The following SLC12A2 variants were observed in gnomAD, a reference collection of about 807,000 sequenced individuals.
SLC12A2 encodes the protein solute carrier family 12 member 2.
In SLC12A2, 67 loss-of-function variants were observed where a neutral mutation model predicts 136.3. The observed-to-expected ratio is 0.49, with a 90% CI of 0.40 to 0.60. SLC12A2 has a LOEUF of 0.60. SLC12A2 is among the 20% of genes least tolerant of loss of function. The pLI is 0.00. For synonymous variants in SLC12A2, 619 were observed against 562.9 expected, an observed-to-expected ratio of 1.10 and a Z score of -1.41; for missense variants, 1,322 against 1,534.7, an observed-to-expected ratio of 0.86 and a Z score of 2.32.
intron 17 of SLC12A2, among the ~76,000 whole-genome samples, chr5:128,165,921 C>T (rs1304001469): frequency 2.0e-3 from 18 of 9,086 alleles, no homozygotes; most frequent in Admixed American, 0.014. Context: ...TTTTACCTCC[C>T]CCCCCCCCCC....
At chr5:128,126,960 ATATAT>A (rs909098659) in intron 4 of SLC12A2, among the ~76,000 whole-genome samples, 1 of 26,394 alleles carries the variant, frequency 3.8e-5, no homozygotes, top group African/African-American at 3.1e-4. Context: ...ATATATATAT[ATATAT>A]ATTTTTTTTT....
chr5:128,099,811 G>T (rs905549513), intron 1 of SLC12A2, among the ~76,000 whole-genome samples: 1 of 152,124 alleles, frequency 6.6e-6, no homozygotes, highest in African/African-American at 2.4e-5. Flanking sequence ...TGTCCCACTA[G>T]AAGGTCTTCA....
intron 4 of SLC12A2, among the ~76,000 whole-genome samples, chr5:128,122,723 G>A (rs1458389151): frequency 6.6e-6 from 1 of 152,074 alleles, no homozygotes; most frequent in African/African-American, 2.4e-5. Context: ...TGACAGAAAA[G>A]TGCTTTCTGC....
chr5:128,186,878 T>A lies in SLC12A2; in HGVS notation c.*247T>A, dbSNP rs1561712200. 2 of 353,814 alleles carry A rather than the reference T, an allele frequency of 5.7e-6. No individual in the cohort carries two copies. The highest frequency in any genetic ancestry group is 5.1e-6 in the Non-Finnish European group (1 of 195,304). 21.9% of individuals were successfully genotyped at this position (353,814 alleles called of 1,614,324 possible). A position where few individuals can be genotyped will look rare whatever the true frequency, so the allele number is the denominator to read the frequency against. On this transcript the variant is annotated 3_prime_UTR_variant, in exon 27 of 27. Transcript: ENST00000262461. ...GTTGAACTGAAGTTTGTGAGAGTAG[T>A]TTTCCTTTGCTACTTGAATAGCAAT...
At chr5:128,093,989 C>T (rs1166423466) in intron 1 of SLC12A2, among the ~76,000 whole-genome samples, 2 of 152,024 alleles carry the variant, frequency 1.3e-5, no homozygotes, top group Admixed American at 6.6e-5. Context: ...TGGACTCTTC[C>T]TCTCCCTTCC....
chr5:128,138,794 T>C lies in SLC12A2; in HGVS notation c.1537-30T>C, dbSNP rs757543550. Reference sequence around the variant, plus strand: ...GAATTTGTATATTTATTTTTACAGATAGACTTTAAAAAATCTTCTTGTCTT... The same window carrying C: ...GAATTTGTATATTTATTTTTACAGACAGACTTTAAAAAATCTTCTTGTCTT... On this transcript the variant is annotated intron_variant, in intron 8 of 26. Coordinates refer to ENST00000262461, the MANE Select transcript of SLC12A2 (RefSeq NM_001046.3). The C allele has an allele frequency of 5.4e-5, 87 of 1,603,326 alleles. 1 individual carries two copies. The highest frequency in any genetic ancestry group is 3.0e-4 in the Admixed American group (18 of 59,344).
At chr5:128,101,280 C>G (rs1297481838) in intron 1 of SLC12A2, among the ~76,000 whole-genome samples, 1 of 152,032 alleles carries the variant, frequency 6.6e-6, no homozygotes, top group African/African-American at 2.4e-5. Flanking sequence ...ATAAAACCGG[C>G]CACTTTGGGG....
intron 4 of SLC12A2, among the ~76,000 whole-genome samples, chr5:128,123,992 G>A (rs1160637005): frequency 6.6e-6 from 1 of 152,118 alleles, no homozygotes; most frequent in Non-Finnish European, 1.5e-5. Context: ...GTATTCATAT[G>A]GATATCCAGT....
At chr5:128,130,343 C>T (rs1561676033) in intron 4 of SLC12A2, among the ~76,000 whole-genome samples, 1 of 151,784 alleles carries the variant, frequency 6.6e-6, no homozygotes, top group African/African-American at 2.4e-5. Context: ...GGTGAAACCC[C>T]GTCTCTACTA....
rs189780525 is a variant in SLC12A2 at position 128,104,999 on chromosome 5, C to G, written c.757-7815C>G. On this transcript the variant is annotated intron_variant, in intron 1 of 26. Transcript: ENST00000262461. Reference sequence around the variant, plus strand: ...TAATCTAAAATAATTTACCTTGACTCATTATAACATGTGGAATTCTGTCAT... The same window carrying G: ...TAATCTAAAATAATTTACCTTGACTGATTATAACATGTGGAATTCTGTCAT... 9.3e-5 allele frequency among the ~76,000 whole-genome samples: 14 copies of G among 151,210 alleles called. No individual in the cohort carries two copies. The East Asian group carries it at 2.7e-3, about 29-fold the overall frequency.
rs1254911539 is a variant in SLC12A2, at chr5:128,114,601, T to C, written c.968T>C (p.Val323Ala). 1 of 1,609,332 alleles carries C rather than the reference T, an allele frequency of 6.2e-7. No homozygotes were observed. The highest frequency in any genetic ancestry group is 8.5e-7 in the Non-Finnish European group (1 of 1,175,804). Residue 323 changes from valine (V) to alanine (A), a missense_variant, in exon 4 of 27, where the codon GTA becomes GCA. Coordinates refer to ENST00000262461, the MANE Select transcript of SLC12A2 (RefSeq NM_001046.3). ...GQAGIGLSVL[V>A]IMMATVVTTI... The stretch of plus-strand genomic sequence containing the variant: ...CTTCGTAAAGGTCTATCAGTCCTTG[T>C]AATAATGATGGCCACTGTTGTGACA...
chr5:128,097,784 G>T (rs1371864892), intron 1 of SLC12A2, among the ~76,000 whole-genome samples: 5 of 152,024 alleles, frequency 3.3e-5, no homozygotes, highest in Non-Finnish European at 7.4e-5. Context: ...AGAAAAATAT[G>T]TATGGTTTTT....
At chr5:128,181,060 T>C in intron 23 of SLC12A2, 66 bp downstream of exon 23, 1 of 996,086 alleles carries the variant, frequency 1.0e-6, no homozygotes, top group East Asian at 2.4e-5. Context: ...ATAAATTTGA[T>C]AGGATAAAAA....
chr5:128,090,936 T>G (rs1159904529), intron 1 of SLC12A2, among the ~76,000 whole-genome samples: 2 of 152,160 alleles, frequency 1.3e-5, no homozygotes, highest in African/African-American at 4.8e-5. Context: ...TCTGAGTGAT[T>G]TAGGGGAAGG....
At chr5:128,163,446 T>C (rs2126736299) in intron 17 of SLC12A2, among the ~76,000 whole-genome samples, 1 of 152,226 alleles carries the variant, frequency 6.6e-6, no homozygotes, top group East Asian at 1.9e-4. Context: ...GGAGAATCAC[T>C]TGAACCCCTG....
At chr5:128,152,110 T>C (rs1041865411) in intron 14 of SLC12A2, among the ~76,000 whole-genome samples, 3 of 152,172 alleles carry the variant, frequency 2.0e-5, no homozygotes, top group African/African-American at 7.2e-5. Context: ...GTAGTTTCAA[T>C]ATAGTAGTTT....
intron 18 of SLC12A2, chr5:128,170,257 T>A (rs2126744512): frequency 6.6e-6 from 1 of 152,336 alleles, no homozygotes; most frequent in African/African-American, 2.4e-5. Flanking sequence ...TATTAAACAA[T>A]TTTTAAAATG....
chr5:128,096,850 T>A (rs946141703), intron 1 of SLC12A2, among the ~76,000 whole-genome samples: 50 of 152,076 alleles, frequency 3.3e-4, no homozygotes, highest in African/African-American at 1.2e-3. Flanking sequence ...TAAACGGCTT[T>A]GTGGTATCTT....
At chr5:128,113,641 G>C (rs551330398) in intron 2 of SLC12A2, among the ~76,000 whole-genome samples, 1 of 152,266 alleles carries the variant, frequency 6.6e-6, no homozygotes, top group Admixed American at 6.5e-5. Context: ...GCTTCAGGTA[G>C]TATTGTTTGC....
Sources: gnomAD v4.1 joint callset for allele counts (sites outside exome capture counted in the v4.1 genomes callset) on GRCh38, gnomAD v4.1.1 for gene constraint, MANE v1.5 for transcripts, NCBI Gene and HGNC (gene_info 2026-07-23, HGNC 2026-07-21) for gene names.